CYP3A4: variants seen among roughly 807,000 people sequenced by gnomAD.
CYP3A4 encodes cytochrome P450 family 3 subfamily A member 4, also known as cytochrome P450 3A4.
Under a neutral mutation model 54.9 loss-of-function variants are expected in CYP3A4, and 41 were observed. The observed-to-expected ratio is 0.75, with a 90% CI of 0.58 to 0.97. The LOEUF (loss-of-function observed/expected upper bound fraction) is 0.97. Ranked by LOEUF, CYP3A4 falls within the 50% of genes least tolerant of loss-of-function variation. The pLI is 0.00. For missense variants in CYP3A4, 510 were observed against 597.3 expected (o/e 0.85, Z 1.52); for synonymous variants, 179 against 205.2 (o/e 0.87, Z 1.09).
At chr7:99,758,780 C>A (rs1563038055) in intron 12 of CYP3A4, among the ~76,000 whole-genome samples, 1 of 152,126 alleles carries the variant, frequency 6.6e-6, no homozygotes, top group East Asian at 1.9e-4. Flanking sequence ...CAATTGAACC[C>A]ATCCAGTGTA....
chr7:99,766,267 C>T, intron 9 of CYP3A4, 110 bp downstream of exon 9: 1 of 1,309,128 alleles, frequency 7.6e-7, no homozygotes, highest in Non-Finnish European at 1.1e-6. Flanking sequence ...ATGTGTCGTT[C>T]TGCTATGTGG....
chr7:99,769,710 G>T, intron 6 of CYP3A4, 58 bp downstream of exon 6: 3 of 1,595,520 alleles, frequency 1.9e-6, no homozygotes, highest in Non-Finnish European at 2.6e-6. Context: ...CAGCTCCATG[G>T]CAGGCAGCTG....
chr7:99,779,643 TTCCTACTTTTAATAC>T (rs1203971984), intron 2 of CYP3A4, among the ~76,000 whole-genome samples: 1 of 152,016 alleles, frequency 6.6e-6, no homozygotes, highest in Admixed American at 6.5e-5. Flanking sequence ...GGGGGTCCTT[TTCCTACTTTTAATAC>T]TAACTAAGTA....
intron 2 of CYP3A4, 144 bp downstream of exon 2, chr7:99,779,848 G>T: frequency 1.3e-6 from 1 of 741,168 alleles, no homozygotes; most frequent in Non-Finnish European, 2.1e-6. Flanking sequence ...GGTAAACATT[G>T]CCATGTTCTG....
chr7:99,782,483 T>C (rs1459439494), intron 1 of CYP3A4, among the ~76,000 whole-genome samples: 4 of 152,168 alleles, frequency 2.6e-5, no homozygotes, highest in African/African-American at 9.7e-5. Flanking sequence ...AAGGCTAAGG[T>C]ATTGTCTGCC....
rs569494722 is a variant in CYP3A4 at position 99,771,429 on chromosome 7, G to A, written c.318+1161C>T. On this transcript the variant is annotated intron_variant, in intron 4 of 12. Coordinates refer to ENST00000651514, the MANE Select transcript of CYP3A4 (RefSeq NM_017460.6). ...AACAAAACATGTACAGGATCTCTATGCTGAAAACTACAAGATGTTAAAAGC... is the reference window on the plus strand; with the variant it reads ...AACAAAACATGTACAGGATCTCTATACTGAAAACTACAAGATGTTAAAAGC... Among the ~76,000 whole-genome samples the A allele has an allele frequency of 1.1e-4, 17 of 152,274 alleles. No individual in the cohort carries two copies. In the South Asian group the frequency reaches 2.3e-3, roughly 20 times the overall value.
chr7:99,763,978 G>C lies in CYP3A4; in HGVS notation c.903C>G (p.Ile301Met). Residue 301 changes from isoleucine (I) to methionine (M), a missense_variant, in exon 10 of 13, where the codon ATC becomes ATG. Coordinates refer to ENST00000651514, the MANE Select transcript of CYP3A4 (RefSeq NM_017460.6). ...TGGTTTCATAGCCAGCAAAAATAAA[G>C]ATAATTGATTGGGCCACGAGCTCCA... ...SDLELVAQSI[I>M]FIFAGYETTS... 6.2e-7 allele frequency: 1 copy of C among 1,613,988 alleles called. No individual in the cohort carries two copies. Among genetic ancestry groups the C allele is most frequent in the East Asian group, 2.2e-5 (1 of 44,858 alleles).
rs1021280189 is a variant in CYP3A4, at chr7:99,758,034, C to T, written c.*99G>A. 1.1e-6 allele frequency: 1 copy of T among 948,838 alleles called. No homozygotes were observed. The highest frequency in any genetic ancestry group is 1.7e-6 in the Non-Finnish European group (1 of 587,078). 58.8% of individuals were successfully genotyped at this position (948,838 alleles called of 1,614,324 possible). On this transcript the variant is annotated 3_prime_UTR_variant, in exon 13 of 13. Coordinates refer to ENST00000651514, the MANE Select transcript of CYP3A4 (RefSeq NM_017460.6). ...TTTATGCAGTCCATTGGATGAAGCC[C>T]ATCTTCATTTCAGAGTTCTATTCAC...
chr7:99,767,187 A>C lies in CYP3A4; in HGVS notation c.742T>G (p.Phe248Val). ...ATCCTTTTTACAGATTTTCTTAAAA[A>C]ATTTGTAACTTCTCTTGGAAACACA... ...ICVFPREVTN[F>V]LRKSVKRMKE... is the part of the protein sequence containing the mutation. Residue 248 changes from phenylalanine to valine, a missense_variant, in exon 8 of 13, where the codon TTT becomes GTT. Coordinates refer to ENST00000651514, the MANE Select transcript of CYP3A4 (RefSeq NM_017460.6). 6.2e-7 allele frequency: 1 copy of C among 1,612,118 alleles called. No homozygotes were observed. Among genetic ancestry groups the C allele is most frequent in the South Asian group, 1.1e-5 (1 of 90,692 alleles).
chr7:99,781,446 A>G (rs1182568752), intron 1 of CYP3A4, among the ~76,000 whole-genome samples: 5 of 152,218 alleles, frequency 3.3e-5, no homozygotes, highest in Non-Finnish European at 7.3e-5. Context: ...TCTCTGTAGG[A>G]AAACCCATTA....
chr7:99,783,410 T>A (rs1815975616), intron 1 of CYP3A4, among the ~76,000 whole-genome samples: 1 of 152,114 alleles, frequency 6.6e-6, no homozygotes, highest in Non-Finnish European at 1.5e-5. Context: ...CCGTCACTAC[T>A]TTCCTTCCTT....
intron 1 of CYP3A4, among the ~76,000 whole-genome samples, chr7:99,783,524 T>C (rs898824506): frequency 1.1e-4 from 16 of 151,988 alleles, no homozygotes; most frequent in African/African-American, 2.9e-4. Context: ...GCTTATTTAT[T>C]CCTTTATAGA....
At chr7:99,767,075 T>C in intron 8 of CYP3A4, 56 bp downstream of exon 8, 1 of 1,540,296 alleles carries the variant, frequency 6.5e-7, no homozygotes, top group South Asian at 1.2e-5. Flanking sequence ...ATATGTATAT[T>C]ATCTAAAAAA....
At chr7:99,773,856 C>A (rs1241452440) in intron 3 of CYP3A4, among the ~76,000 whole-genome samples, 2 of 152,020 alleles carry the variant, frequency 1.3e-5, no homozygotes, top group Non-Finnish European at 2.9e-5. Flanking sequence ...CAGAGCAGAA[C>A]AGAAGGAGAT....
At chr7:99,771,607 C>T (rs1026779139) in intron 4 of CYP3A4, among the ~76,000 whole-genome samples, 1 of 152,136 alleles carries the variant, frequency 6.6e-6, no homozygotes, top group Non-Finnish European at 1.5e-5. Flanking sequence ...CACTGAGAAA[C>T]TCATTCTGAA....
In CYP3A4 at chr7:99,778,167, A is replaced by G. The variant is rs12721625; in HGVS notation, c.166-87T>C. 2.3e-3 allele frequency: 2,436 copies of G among 1,080,098 alleles called. 41 individuals carry two copies. The African/African-American group carries it at 0.033, about 15-fold the overall frequency. 66.9% of individuals were successfully genotyped at this position (1,080,098 alleles called of 1,614,324 possible). ...ATTGGGATGAAAACAGTCGAAGCCA[A>G]TGAAATCAGACTTGCTGGCAGTTAG... On this transcript the variant is annotated intron_variant, in intron 2 of 12. Coordinates refer to ENST00000651514, the MANE Select transcript of CYP3A4 (RefSeq NM_017460.6).
At chr7:99,764,042 G>A in intron 9 of CYP3A4, 27 bp from the exon 10 acceptor site, 2 of 1,613,538 alleles carry the variant, frequency 1.2e-6, no homozygotes, top group Non-Finnish European at 1.7e-6. Context: ...GACATTTTAG[G>A]TAAATCAGAT....
intron 3 of CYP3A4, among the ~76,000 whole-genome samples, chr7:99,772,979 T>C (rs2151562397): frequency 6.6e-6 from 1 of 152,240 alleles, no homozygotes; most frequent in South Asian, 2.1e-4. Context: ...AGAGCATTTG[T>C]TAAGCTGGGT....
intron 12 of CYP3A4, among the ~76,000 whole-genome samples, chr7:99,759,834 GAAC>G (rs1815271040): frequency 6.8e-6 from 1 of 147,070 alleles, no homozygotes; most frequent in Admixed American, 6.6e-5. Context: ...AGGAGAAAGG[GAAC>G]AACATTTTTT....
Sources: gnomAD v4.1 joint callset for allele counts (sites outside exome capture counted in the v4.1 genomes callset) on GRCh38, gnomAD v4.1.1 for gene constraint, MANE v1.5 for transcripts, NCBI Gene and HGNC (gene_info 2026-07-23, HGNC 2026-07-21) for gene names.